MAP3K12: variants seen among roughly 807,000 people sequenced by gnomAD.
The protein encoded by MAP3K12 is mitogen-activated protein kinase kinase kinase 12, also known as MAPK-upstream kinase.
MAP3K12 carries 14 observed loss-of-function variants against 87.5 expected under a neutral mutation model. That is an observed-to-expected ratio of 0.16 (90% CI 0.11 to 0.25). The LOEUF is 0.25. Among genes scored for constraint, MAP3K12 ranks in the 10% least tolerant of loss-of-function variants. The pLI is 1.00. For synonymous variants in MAP3K12, 469 were observed against 452.5 expected, an observed-to-expected ratio of 1.04 and a Z score of -0.46; for missense variants, 802 against 1,140.4, an observed-to-expected ratio of 0.70 and a Z score of 4.27.
Position 53,486,325 on chromosome 12 carries a change from C to G in MAP3K12, c.630-78G>C. On this transcript the variant is annotated intron_variant, in intron 3 of 13. Transcript: ENST00000547488. The surrounding 1 kb of genome is among the most constrained non-coding windows in gnomAD (Gnocchi z 4.9). ...TTCATACCTGGAACCCCCATTCCCA[C>G]CCATTCCACCTATGGATCTCCTCTG... 6.4e-7 allele frequency: 1 copy of G among 1,552,206 alleles called. No homozygotes were observed. The highest frequency in any genetic ancestry group is 8.7e-7 in the Non-Finnish European group (1 of 1,144,546).
chr12:53,482,981 C>G lies in MAP3K12; in HGVS notation c.1822G>C (p.Gly608Arg). 1 of 1,579,766 alleles carries G rather than the reference C, an allele frequency of 6.3e-7. No homozygotes were observed. The highest frequency in any genetic ancestry group is 8.6e-7 in the Non-Finnish European group (1 of 1,164,014). ...CCCCCTCCTAGGCCCCCTGGGCTTCCTGGTCCTCCAGGTTCATGGGGTGGC... is the reference window on the plus strand; with the variant it reads ...CCCCCTCCTAGGCCCCCTGGGCTTCGTGGTCCTCCAGGTTCATGGGGTGGC... ...AVPPHEPGGP[G>R]SPGGLGGGPS... Residue 608 changes from glycine (G) to arginine (R), a missense_variant, in exon 11 of 14, where the codon GGA becomes CGA. By Grantham distance (125) the Gly-to-Arg change is moderately radical. Transcript: ENST00000547488.
chr12:53,483,006 C>G lies in MAP3K12; in HGVS notation c.1797G>C (p.Val599=). ...CGDLPGLRTA[V]PPHEPGGPGS... The stretch of plus-strand genomic sequence containing the variant: ...CTGGTCCTCCAGGTTCATGGGGTGG[C>G]ACAGCTGTACGAAGCCCAGGCAGGT... Residue 599 remains valine (V), a synonymous_variant, in exon 11 of 14, where the codon GTG becomes GTC. Transcript: ENST00000547488. 1 of 1,566,758 alleles carries G rather than the reference C, an allele frequency of 6.4e-7. No individual in the cohort carries two copies. Among genetic ancestry groups the G allele is most frequent in the Non-Finnish European group, 8.6e-7 (1 of 1,157,204 alleles).
chr12:53,496,610 A>G, intron 1 of MAP3K12, among the ~76,000 whole-genome samples: 1 of 152,258 alleles, frequency 6.6e-6, no homozygotes, highest in Non-Finnish European at 1.5e-5. Context: ...GGCATTTTTA[A>G]AAATCTGGAA....
In MAP3K12 at chr12:53,482,122, G is replaced by A; in HGVS notation, c.2399C>T (p.Pro800Leu). 6.2e-7 allele frequency: 1 copy of A among 1,614,220 alleles called. No homozygotes were observed. Among genetic ancestry groups the A allele is most frequent in the South Asian group, 1.1e-5 (1 of 91,086 alleles). Residue 800 changes from proline to leucine, a missense_variant, in exon 13 of 14, where the codon CCT becomes CTT. By Grantham distance (98) the Pro-to-Leu change is moderately conservative. Coordinates refer to ENST00000547488, the MANE Select transcript of MAP3K12 (RefSeq NM_001193511.2). ...AACTTCAGGTGTGCCACTGGGGGAA[G>A]GTTCACTAGCTGTGCCTTCCTCCCC... ...SDGEEGTASEPSPSGTPEVGS... is the reference protein window; with the variant it reads ...SDGEEGTASELSPSGTPEVGS...
chr12:53,487,205 G>A lies in MAP3K12; in HGVS notation c.187C>T (p.Pro63Ser). The stretch of plus-strand genomic sequence containing the variant: ...GGCTCTCCACCTGGGGAGGGGCTGG[G>A]CCCTCCCCCACCCTGCCCACCAAGG... ...VPLGGQGGGG[P>S]SPSPGGEPPP... The change falls in exon 2 of 14, where the codon CCC becomes TCC. Residue 63 changes from proline to serine, a missense_variant. By Grantham distance (74) the Pro-to-Ser change is moderately conservative. Coordinates refer to ENST00000547488, the MANE Select transcript of MAP3K12 (RefSeq NM_001193511.2). The A allele has an allele frequency of 6.2e-7, 1 of 1,613,752 alleles. No individual in the cohort carries two copies. Among genetic ancestry groups the A allele is most frequent in the Non-Finnish European group, 8.5e-7 (1 of 1,179,708 alleles).
intron 1 of MAP3K12, among the ~76,000 whole-genome samples, chr12:53,498,651 GGGA>G (rs1482999485): frequency 3.3e-5 from 5 of 152,122 alleles, no homozygotes; most frequent in African/African-American, 7.2e-5. Flanking sequence ...TTGTGGGAAA[GGGA>G]GGAGGTTTTT....
chr12:53,496,770 A>G lies in MAP3K12; in HGVS notation c.-38+2657T>C, dbSNP rs541769041. ...AGACATAAAATTTAAATTGTAAAAGAGAAAATAAGATTGATGGACTGCTCA... is the reference window on the plus strand; with the variant it reads ...AGACATAAAATTTAAATTGTAAAAGGGAAAATAAGATTGATGGACTGCTCA... On this transcript the variant is annotated intron_variant, in intron 1 of 13. Transcript: ENST00000547488. Among the ~76,000 whole-genome samples the G allele has an allele frequency of 5.9e-5, 9 of 152,362 alleles. No homozygotes were observed. The East Asian group carries it at 1.7e-3, about 29-fold the overall frequency.
intron 1 of MAP3K12, among the ~76,000 whole-genome samples, chr12:53,497,306 T>A (rs1433134417): frequency 6.6e-6 from 1 of 152,198 alleles, no homozygotes; most frequent in African/African-American, 2.4e-5. Flanking sequence ...TGTGATTCCC[T>A]TCCCTTCTTT....
chr12:53,482,857 G>A lies in MAP3K12; in HGVS notation c.1946C>T (p.Ala649Val). Residue 649 changes from alanine (A) to valine (V), a missense_variant, in exon 11 of 14, where the codon GCA (alanine) becomes GTA (valine). Transcript: ENST00000547488. ...MSSSSPDLLS[A>V]ALGSRGRGAT... ...CCCCCGGCCCCGGGACCCTAGTGCTGCTGACAGCAGGTCTGGGGACGATGA... is the reference window on the plus strand; with the variant it reads ...CCCCCGGCCCCGGGACCCTAGTGCTACTGACAGCAGGTCTGGGGACGATGA... The A allele has an allele frequency of 6.2e-7, 1 of 1,612,796 alleles. No homozygotes were observed. The highest frequency in any genetic ancestry group is 1.1e-5 in the South Asian group (1 of 90,966).
upstream of MAP3K12, chr12:53,501,148 C>T (rs1034984730): frequency 3.6e-6 from 2 of 549,434 alleles, no homozygotes; most frequent in African/African-American, 3.9e-5. Context: ...CGAGAAGCGA[C>T]GGCGGAGGGC....
rs1335608194 is a variant in MAP3K12, at chr12:53,494,945, C to T, written c.-38+4482G>A. Among the ~76,000 whole-genome samples the T allele has an allele frequency of 3.3e-5, 5 of 152,106 alleles. No individual in the cohort carries two copies. In the South Asian group the frequency reaches 6.2e-4, roughly 19 times the overall value. On this transcript the variant is annotated intron_variant, in intron 1 of 13. Transcript: ENST00000547488. The stretch of plus-strand genomic sequence containing the variant: ...AGGCTGGAGTGCAGTGGGATGATCA[C>T]GGCTCACTGCCTGCAGCCTCAACCT...
intron 9 of MAP3K12, 36 bp from the exon 10 acceptor site, chr12:53,483,522 A>T: frequency 6.2e-7 from 1 of 1,613,904 alleles, no homozygotes; most frequent in East Asian, 2.2e-5. Flanking sequence ...TGGGCAAATG[A>T]CCAGGAAGGG....
chr12:53,500,342 C>T (rs759924971), upstream of MAP3K12: 6 of 152,208 alleles, frequency 3.9e-5, no homozygotes, highest in Non-Finnish European at 5.9e-5. Flanking sequence ...GGCCAAAATT[C>T]ACTTTTGCTC....
At chr12:53,482,456 GGT>G (rs1943088212) in intron 11 of MAP3K12, 87 bp from the exon 12 acceptor site, 1 of 1,605,668 alleles carries the variant, frequency 6.2e-7, no homozygotes, top group African/African-American at 1.3e-5. Context: ...AGTTACGAAG[GGT>G]GAAGTAGGGA....
upstream of MAP3K12, chr12:53,501,431 C>T (rs1403788459): frequency 1.9e-6 from 3 of 1,568,590 alleles, no homozygotes; most frequent in Non-Finnish European, 2.6e-6. Context: ...GAGCAAGGCT[C>T]CGGCACTACC....
upstream of MAP3K12, chr12:53,501,500 G>T (rs559790740): frequency 1.8e-5 from 28 of 1,553,550 alleles, no homozygotes; most frequent in African/African-American, 3.0e-4. Context: ...GGCGAAAAGC[G>T]TGGGGCCGTG....
chr12:53,490,322 A>G (rs1943365071), intron 1 of MAP3K12, among the ~76,000 whole-genome samples: 1 of 151,680 alleles, frequency 6.6e-6, no homozygotes, highest in Admixed American at 6.6e-5. Flanking sequence ...CAAAAAACAG[A>G]TTGGGCCAGG....
chr12:53,495,287 C>T (rs1247621279), intron 1 of MAP3K12, among the ~76,000 whole-genome samples: 2 of 126,676 alleles, frequency 1.6e-5, no homozygotes, highest in East Asian at 2.5e-4. Flanking sequence ...TGCAGTGAGC[C>T]GAGATGGAGC....
At chr12:53,497,226 C>T (rs2137240080) in intron 1 of MAP3K12, among the ~76,000 whole-genome samples, 1 of 152,326 alleles carries the variant, frequency 6.6e-6, no homozygotes, top group Admixed American at 6.5e-5. Context: ...GGACCTGGCA[C>T]ACAGGAAGCT....
Sources: gnomAD v4.1 joint callset for allele counts (sites outside exome capture counted in the v4.1 genomes callset) on GRCh38, gnomAD v4.1.1 for gene constraint, Gnocchi (gnomAD v3.1) non-coding constraint, MANE v1.5 for transcripts, NCBI Gene and HGNC (gene_info 2026-07-23, HGNC 2026-07-21) for gene names.